Variants in NID1 observed in about 807,000 individuals in gnomAD.
NID1 encodes the protein nidogen-1.
NID1 carries 76 observed loss-of-function variants against 130.6 expected under a neutral mutation model. The observed-to-expected ratio is 0.58, with a 90% confidence interval of 0.48 to 0.70. The LOEUF is 0.70. Ranked by LOEUF, NID1 falls within the 30% of genes least tolerant of loss-of-function variation. NID1 has a pLI of 0.00. For synonymous variants in NID1, 665 were observed against 675.1 expected, an observed-to-expected ratio of 0.98 and a Z score of 0.23; for missense variants, 1,517 against 1,664.8, an observed-to-expected ratio of 0.91 and a Z score of 1.54.
At chr1:236,049,899 G>A (rs544178499) in intron 1 of NID1, among the ~76,000 whole-genome samples, 5 of 152,006 alleles carry the variant, frequency 3.3e-5, no homozygotes, top group Non-Finnish European at 5.9e-5. Context: ...TTAGCCGGGC[G>A]TGATGGCGGG....
chr1:235,991,733 G>A (rs981140207), intron 13 of NID1, among the ~76,000 whole-genome samples: 11 of 152,166 alleles, frequency 7.2e-5, no homozygotes, highest in Admixed American at 2.0e-4. Flanking sequence ...CAGCACCAGC[G>A]GTAGCACAAC....
chr1:236,035,845 G>A (rs1659242423), intron 5 of NID1, among the ~76,000 whole-genome samples: 1 of 152,154 alleles, frequency 6.6e-6, no homozygotes, highest in Admixed American at 6.5e-5. Context: ...CTGGCCAACA[G>A]CGCAAAAAGG....
At chr1:236,023,602 G>A (rs1165985300) in intron 9 of NID1, among the ~76,000 whole-genome samples, 2 of 151,560 alleles carry the variant, frequency 1.3e-5, no homozygotes, top group African/African-American at 4.9e-5. Flanking sequence ...GTGTTAAAAT[G>A]GTATATTTTA....
chr1:235,984,911 C>T (rs946915153), intron 15 of NID1, among the ~76,000 whole-genome samples: 4 of 152,178 alleles, frequency 2.6e-5, no homozygotes, highest in Non-Finnish European at 5.9e-5. Flanking sequence ...TTGTGCCTGC[C>T]GGGCGCCGTG....
chr1:236,004,724 T>C (rs1467518647), intron 12 of NID1, among the ~76,000 whole-genome samples: 1 of 129,930 alleles, frequency 7.7e-6, no homozygotes, highest in East Asian at 2.4e-4. Context: ...ATCATGCCAC[T>C]GCACTCCAGC....
At position 235,980,670 on chromosome 1, in the gene NID1, G is replaced by A. The variant is rs780638186; in HGVS notation, c.3228-17C>T. 6.2e-7 allele frequency: 1 copy of A among 1,607,670 alleles called. No individual in the cohort carries two copies. The highest frequency in any genetic ancestry group is 2.2e-5 in the East Asian group (1 of 44,794). On this transcript the variant is annotated splice_polypyrimidine_tract_variant and intron_variant, in intron 16 of 19. Coordinates refer to ENST00000264187, the MANE Select transcript of NID1 (RefSeq NM_002508.3). ...TAAAGGTTCCTGGAGGAGGAAAAAG[G>A]GGGGAAAGAGGAAAAGAAATAATAA...
chr1:235,993,684 C>T lies in NID1; in HGVS notation c.2716G>A (p.Val906Met), dbSNP rs1310186166. ...CWCVDRDGRE[V>M]EGTRTRPGMT... ...CCGGGCCTGGTCCTGGTGCCCTCCA[C>T]CTCGCGGCCGTCGCGATCCACGCAC... Residue 906 changes from valine (V) to methionine (M), a missense_variant, in exon 13 of 20, where the codon GTG (valine) becomes ATG (methionine). This residue lies in a region of NID1 where 1,329 missense variants were observed against 1,429.2 expected (regional missense o/e 0.93). Transcript: ENST00000264187. The T allele has an allele frequency of 6.3e-7, 1 of 1,585,330 alleles. No individual in the cohort carries two copies. Among genetic ancestry groups the T allele is most frequent in the Non-Finnish European group, 8.6e-7 (1 of 1,162,266 alleles).
intron 8 of NID1, among the ~76,000 whole-genome samples, chr1:236,024,894 C>T (rs1239296531): frequency 6.6e-6 from 1 of 152,054 alleles, no homozygotes; most frequent in East Asian, 1.9e-4. Context: ...GCAAGCGTTT[C>T]TTTTAGGCTC....
At chr1:235,993,901 T>C (rs1657840627) in intron 12 of NID1, 29 bp from the exon 13 acceptor site, 1 of 1,591,066 alleles carries the variant, frequency 6.3e-7, no homozygotes, top group Non-Finnish European at 8.6e-7. Flanking sequence ...ACAAGAAAGC[T>C]GTCAGGTGCG....
Position 235,993,627 on chromosome 1 carries a change from C to A in NID1, c.2755+18G>T. The A allele has an allele frequency of 1.3e-6, 2 of 1,513,218 alleles. No homozygotes were observed. Among genetic ancestry groups the A allele is most frequent in the Non-Finnish European group, 1.8e-6 (2 of 1,123,542 alleles). 93.7% of individuals were successfully genotyped at this position (1,513,218 alleles called of 1,614,324 possible). A position where few individuals can be genotyped will look rare whatever the true frequency, so the allele number is the denominator to read the frequency against. On this transcript the variant is annotated intron_variant, in intron 13 of 19. Transcript: ENST00000264187. ...TCCTTCTCAGGCACACGCCCAAGCACGGCCTGCACCCACTTACACGGGGGC... is the reference window on the plus strand; with the variant it reads ...TCCTTCTCAGGCACACGCCCAAGCAAGGCCTGCACCCACTTACACGGGGGC...
At position 236,055,148 on chromosome 1, in the gene NID1, C is replaced by CA. The variant is rs900888031; in HGVS notation, c.226-6160dup. ...TGAAACCCCGTCTCTACTAAAAATA[C>CA]AAAAAATTAGCCGGGCGTGGTGGCG... On this transcript the variant is annotated intron_variant, in intron 1 of 19. Coordinates refer to ENST00000264187, the MANE Select transcript of NID1 (RefSeq NM_002508.3). Among the ~76,000 whole-genome samples the CA allele has an allele frequency of 6.9e-4, 105 of 151,700 alleles. 1 individual carries two copies. The highest frequency in any genetic ancestry group is 2.5e-3 in the African/African-American group (102 of 41,386).
At chr1:236,000,516 C>T (rs1558427496) in intron 12 of NID1, among the ~76,000 whole-genome samples, 1 of 152,184 alleles carries the variant, frequency 6.6e-6, no homozygotes, top group Non-Finnish European at 1.5e-5. Flanking sequence ...CTGGACCAAA[C>T]CAACATACAT....
Position 236,025,969 on chromosome 1 carries a change from G to T in NID1, c.1911C>A (p.Ser637Arg), listed in dbSNP as rs143707993. 3 of 1,613,618 alleles carry T rather than the reference G, an allele frequency of 1.9e-6. No individual in the cohort carries two copies. The highest frequency in any genetic ancestry group is 1.3e-5 in the African/African-American group (1 of 74,816). ...LPSTQQLSVD[S>R]VFVLYNQEEK... is the part of the protein sequence containing the mutation. The stretch of plus-strand genomic sequence containing the variant: ...CCTCCTGGTTGTACAGGACGAACAC[G>T]CTGTCCACCGAGAGCTGCTGGGTGC... The change falls in exon 8 of 20, where the codon AGC becomes AGA. Residue 637 changes from serine to arginine, a missense_variant. Physicochemically the swap from Ser to Arg is moderately radical, Grantham distance 110. This residue lies in a region of NID1 where 1,329 missense variants were observed against 1,429.2 expected (regional missense o/e 0.93). Coordinates refer to ENST00000264187, the MANE Select transcript of NID1 (RefSeq NM_002508.3).
At chr1:235,986,865 T>C (rs1279640679) in intron 14 of NID1, among the ~76,000 whole-genome samples, 2 of 152,226 alleles carry the variant, frequency 1.3e-5, no homozygotes, top group African/African-American at 4.8e-5. Flanking sequence ...GCCTATCAAC[T>C]TCTCTGGCCT....
Position 236,061,373 on chromosome 1 carries a change from G to A in NID1, c.225+3482C>T, listed in dbSNP as rs566951467. ...CTTAACACCAGGTATTAATCTTAGC[G>A]TGGCAAGCCAAGCAATAACCAGACA... is the stretch of plus-strand genomic sequence containing the variant. On this transcript the variant is annotated intron_variant, in intron 1 of 19. Transcript: ENST00000264187. Among the ~76,000 whole-genome samples, 7 of 152,276 alleles carry A rather than the reference G, an allele frequency of 4.6e-5. No homozygotes were observed. The East Asian group carries it at 7.7e-4, about 17-fold the overall frequency.
chr1:236,048,636 T>C, intron 2 of NID1, 54 bp downstream of exon 2: 1 of 1,568,390 alleles, frequency 6.4e-7, no homozygotes, highest in Non-Finnish European at 8.6e-7. Context: ...GAGACCAAAG[T>C]GTATGAAGCC....
chr1:236,041,570 G>A (rs1370530258), intron 4 of NID1, among the ~76,000 whole-genome samples: 1 of 152,152 alleles, frequency 6.6e-6, no homozygotes, highest in Non-Finnish European at 1.5e-5. Context: ...ATACATTTCT[G>A]ATCTGAGAAA....
chr1:236,026,185 G>T, intron 7 of NID1, 44 bp from the exon 8 acceptor site: 1 of 1,604,780 alleles, frequency 6.2e-7, no homozygotes, highest in Non-Finnish European at 8.5e-7. Flanking sequence ...GGGAGACAGA[G>T]GGAAGATGGT....
chr1:236,038,475 A>G (rs1350927669), intron 4 of NID1, among the ~76,000 whole-genome samples: 2 of 152,282 alleles, frequency 1.3e-5, no homozygotes, highest in South Asian at 2.1e-4. Flanking sequence ...TGAGGCAAAC[A>G]GGTCTAAAAG....
Sources: allele counts gnomAD v4.1 joint callset (sites outside exome capture counted in the v4.1 genomes callset), GRCh38; gene constraint gnomAD v4.1.1; regional missense constraint gnomAD v4.1.1; transcripts MANE v1.5; gene names NCBI Gene and HGNC (gene_info 2026-07-23, HGNC 2026-07-21).